The following STON2 variants were observed in gnomAD, a reference collection of about 807,000 sequenced individuals.
The protein encoded by STON2 is stonin 2.
In STON2, 29 loss-of-function variants were observed where a neutral mutation model predicts 65.7. That is an observed-to-expected ratio of 0.44 (90% confidence interval 0.33 to 0.60). The LOEUF is 0.60. Ranked by LOEUF, STON2 falls within the 20% of genes least tolerant of loss-of-function variation. The pLI is 0.03. For missense variants in STON2, 1,054 were observed against 1,118.1 expected, an observed-to-expected ratio of 0.94 and a Z score of 0.82; for synonymous variants, 404 against 414.2, an observed-to-expected ratio of 0.98 and a Z score of 0.30.
At chr14:81,411,005 C>T (rs1388233893) in intron 2 of STON2, among the ~76,000 whole-genome samples, 3 of 152,220 alleles carry the variant, frequency 2.0e-5, no homozygotes, top group Non-Finnish European at 2.9e-5. Flanking sequence ...GGTATTCTCT[C>T]GCCAGGTTTA....
intron 3 of STON2, among the ~76,000 whole-genome samples, chr14:81,389,959 T>C (rs1332838740): frequency 6.6e-6 from 1 of 152,166 alleles, no homozygotes; most frequent in Non-Finnish European, 1.5e-5. Context: ...ATGCCTGTAA[T>C]CCCAGCACTT....
upstream of STON2, among the ~76,000 whole-genome samples, chr14:81,401,589 T>C (rs2140453366): frequency 6.6e-6 from 1 of 152,308 alleles, no homozygotes; most frequent in Non-Finnish European, 1.5e-5. Context: ...TGGAATTAGT[T>C]GCTTGGTAAA....
At chr14:81,420,425 T>C (rs1901648180) in intron 2 of STON2, among the ~76,000 whole-genome samples, 2 of 152,238 alleles carry the variant, frequency 1.3e-5, no homozygotes, top group South Asian at 4.1e-4. Context: ...GCCCATTCAT[T>C]CATTCATTCA....
At chr14:81,319,674 T>C (rs1896752763) in intron 5 of STON2, among the ~76,000 whole-genome samples, 2 of 152,252 alleles carry the variant, frequency 1.3e-5, no homozygotes, top group South Asian at 4.1e-4. Context: ...GTTTTAATCC[T>C]GGTCAATTAC....
At position 81,265,073 on chromosome 14, in the gene STON2, A is replaced by C; in HGVS notation, c.*3341T>G. On this transcript the variant is annotated 3_prime_UTR_variant, in exon 8 of 8. Transcript: ENST00000614646. ...TTATTGATAACAAAGATTATTTGTG[A>C]CCACAAAAAAAAAAAATAAAAAGTC... 1 of 983,458 alleles carries C rather than the reference A, an allele frequency of 1.0e-6. No individual in the cohort carries two copies. Among genetic ancestry groups the C allele is most frequent in the Non-Finnish European group, 1.2e-6 (1 of 828,498 alleles). 60.9% of individuals were successfully genotyped at this position (983,458 alleles called of 1,614,324 possible).
intron 3 of STON2, among the ~76,000 whole-genome samples, chr14:81,379,851 G>C (rs1899429311): frequency 6.6e-6 from 1 of 152,016 alleles, no homozygotes; most frequent in Non-Finnish European, 1.5e-5. Context: ...AACTCAAGAT[G>C]GATTAAAGGC....
rs370642429 is a variant in STON2 at position 81,395,992 on chromosome 14, G to T, written c.275C>A (p.Pro92Gln). 7.4e-6 allele frequency: 12 copies of T among 1,614,020 alleles called. No homozygotes were observed. In the African/African-American group the frequency reaches 8.0e-5, roughly 11 times the overall value. ...GCTGATGGCCGAGGCCAGGTCAGGTGGGGGCTGCTCAGGGCTCCCAGGTGG... is the reference window on the plus strand; with the variant it reads ...GCTGATGGCCGAGGCCAGGTCAGGTTGGGGCTGCTCAGGGCTCCCAGGTGG... ...ASPPGSPEQP[P>Q]PDLASAISNW... is the part of the protein sequence containing the mutation. The change falls in exon 3 of 8, where the codon CCA (proline) becomes CAA (glutamine). Residue 92 changes from proline (P) to glutamine (Q), a missense_variant. Pro to Gln is a moderately conservative substitution (Grantham distance 76). Coordinates refer to ENST00000614646, the MANE Select transcript of STON2 (RefSeq NM_001394390.1).
chr14:81,278,049 C>A lies in STON2; in HGVS notation c.1433G>T (p.Arg478Leu). The change falls in exon 6 of 8, where the codon CGG becomes CTG. Residue 478 changes from arginine to leucine, a missense_variant. By Grantham distance (102) the Arg-to-Leu change is moderately radical. Coordinates refer to ENST00000614646, the MANE Select transcript of STON2 (RefSeq NM_001394390.1). Reference protein sequence around the residue: ...ELDAHPPGSARSQPRDGWPMM... With the variant: ...ELDAHPPGSALSQPRDGWPMM... ...TGGCCACCCGTCACGAGGCTGGGAC[C>A]GTGCTGATCCAGGCGGGTGAGCATC... 1 of 1,614,164 alleles carries A rather than the reference C, an allele frequency of 6.2e-7. No individual in the cohort carries two copies. Among genetic ancestry groups the A allele is most frequent in the Non-Finnish European group, 8.5e-7 (1 of 1,180,032 alleles).
intron 4 of STON2, among the ~76,000 whole-genome samples, chr14:81,331,903 T>C (rs1595362388): frequency 6.6e-6 from 1 of 152,226 alleles, no homozygotes; most frequent in African/African-American, 2.4e-5. Context: ...TGGTCTGTCA[T>C]CTTCCCAGGG....
At chr14:81,338,450 C>G (rs1897460441) in intron 4 of STON2, among the ~76,000 whole-genome samples, 1 of 152,216 alleles carries the variant, frequency 6.6e-6, no homozygotes, top group Non-Finnish European at 1.5e-5. Context: ...ATGTCTTGCT[C>G]TGTGTGTCTC....
rs139173267 is a variant in STON2 at position 81,270,822 on chromosome 14, G to C, written c.2632C>G (p.Arg878Gly). The C allele has an allele frequency of 1.1e-5, 18 of 1,613,774 alleles. No individual in the cohort carries two copies. The African/African-American group carries it at 2.1e-4, about 19-fold the overall frequency. Residue 878 changes from arginine to glycine, a missense_variant, in exon 7 of 8, where the codon CGG (arginine) becomes GGG (glycine). Transcript: ENST00000614646. ...TTGGCAAATCTGGAAGGCACTTCCC[G>C]GTCAGAGCCGAGTTCAAGGTGGCAA... ...FFCHLELGSD[R>G]EVPSRFANHV... is the part of the protein sequence containing the mutation.
chr14:81,343,379 G>C (rs900289664), intron 4 of STON2, among the ~76,000 whole-genome samples: 3 of 152,184 alleles, frequency 2.0e-5, no homozygotes, highest in Non-Finnish European at 2.9e-5. Context: ...GTCCTGGGGA[G>C]GGGGAGAGGG....
intron 2 of STON2, among the ~76,000 whole-genome samples, chr14:81,425,035 C>T (rs751287936): frequency 2.6e-5 from 4 of 152,188 alleles, no homozygotes; most frequent in Admixed American, 6.5e-5. Flanking sequence ...CTGACAGTAA[C>T]TCTTGCAAAA....
At chr14:81,331,804 C>T (rs1359826991) in intron 4 of STON2, among the ~76,000 whole-genome samples, 1 of 152,190 alleles carries the variant, frequency 6.6e-6, no homozygotes, top group African/African-American at 2.4e-5. Context: ...GAGGAGCCCA[C>T]ACATCCTAGC....
At chr14:81,386,041 G>A (rs995408869) in intron 3 of STON2, among the ~76,000 whole-genome samples, 1 of 152,132 alleles carries the variant, frequency 6.6e-6, no homozygotes, top group Non-Finnish European at 1.5e-5. Context: ...AACTGGCCTG[G>A]AACGGCGAGA....
chr14:81,317,823 A>T (rs949553712), intron 5 of STON2, among the ~76,000 whole-genome samples: 2 of 152,238 alleles, frequency 1.3e-5, no homozygotes, highest in African/African-American at 4.8e-5. Flanking sequence ...AACCAAGCCC[A>T]GTAACCCATA....
At chr14:81,287,724 C>G (rs1429144093) in intron 5 of STON2, among the ~76,000 whole-genome samples, 1 of 152,176 alleles carries the variant, frequency 6.6e-6, no homozygotes, top group Non-Finnish European at 1.5e-5. Flanking sequence ...TCTTTTCTCT[C>G]TGGTTCTAAA....
chr14:81,319,020 C>T (rs1896727134), intron 5 of STON2, among the ~76,000 whole-genome samples: 1 of 152,082 alleles, frequency 6.6e-6, no homozygotes, highest in South Asian at 2.1e-4. Context: ...GCCATCTCCA[C>T]GAGAATAACA....
chr14:81,365,863 AACTTC>A (rs1898699488), intron 4 of STON2, among the ~76,000 whole-genome samples: 3 of 152,234 alleles, frequency 2.0e-5, no homozygotes, highest in Admixed American at 2.0e-4. Flanking sequence ...GGTTGGAATG[AACTTC>A]AAAGGCAGAA....
Sources: gnomAD v4.1 joint callset for allele counts (sites outside exome capture counted in the v4.1 genomes callset) on GRCh38, gnomAD v4.1.1 for gene constraint, MANE v1.5 for transcripts, NCBI Gene and HGNC (gene_info 2026-07-23, HGNC 2026-07-21) for gene names.